Variants in TAPT1 observed in about 807,000 individuals in gnomAD.
The protein encoded by TAPT1 is transmembrane anterior posterior transformation 1.
TAPT1 carries 28 observed loss-of-function variants against 65.6 expected under a neutral mutation model. That is an observed-to-expected ratio of 0.43 (90% confidence interval 0.32 to 0.59). TAPT1 has a LOEUF of 0.59. TAPT1 is among the 20% of genes least tolerant of loss of function. The pLI is 0.09. For synonymous variants in TAPT1, 278 were observed against 245.2 expected (o/e 1.13, Z -1.25); for missense variants, 563 against 679.9 (o/e 0.83, Z 1.91).
intron 6 of TAPT1, 33 bp downstream of exon 6, chr4:16,186,748 A>G (rs747681046): frequency 6.6e-7 from 1 of 1,514,280 alleles, no homozygotes; most frequent in Admixed American, 1.7e-5. Context: ...TGCCTGTATA[A>G]CTTCAAAAAT....
chr4:16,202,530 G>T lies in TAPT1; in HGVS notation c.381C>A (p.Phe127Leu). The change falls in exon 3 of 14, where the codon TTC becomes TTA. Residue 127 changes from phenylalanine (F) to leucine (L), a missense_variant. This residue lies in a region of TAPT1 where 217 missense variants were observed against 317.5 expected (regional missense o/e 0.68). Coordinates refer to ENST00000405303, the MANE Select transcript of TAPT1 (RefSeq NM_153365.3). ...GGAAAACTCTTAAAGGAAGCAGGGT[G>T]AACACATACAAAAACGCATCCAGGC... ...FLCLDAFLYV[F>L]TLLPLRVFLA... 1 of 1,550,834 alleles carries T rather than the reference G, an allele frequency of 6.4e-7. No homozygotes were observed. The highest frequency in any genetic ancestry group is 1.2e-5 in the South Asian group (1 of 83,714).
chr4:16,227,058 A>C, upstream of TAPT1: 1 of 454,356 alleles, frequency 2.2e-6, no homozygotes, highest in Non-Finnish European at 4.4e-6. Context: ...CCTGCCCGCT[A>C]TTTTGGTTCC....
intron 2 of TAPT1, among the ~76,000 whole-genome samples, chr4:16,204,460 C>T (rs1750222512): frequency 6.6e-6 from 1 of 152,240 alleles, no homozygotes; most frequent in South Asian, 2.1e-4. Flanking sequence ...TCATTCTCAG[C>T]AGCGATTTAT....
At chr4:16,200,730 C>T (rs550853271) in intron 3 of TAPT1, among the ~76,000 whole-genome samples, 2 of 152,208 alleles carry the variant, frequency 1.3e-5, no homozygotes, top group Admixed American at 1.3e-4. Context: ...TGGTAATGTT[C>T]TATTAGATTG....
At chr4:16,172,280 G>C (rs1748044767) in intron 11 of TAPT1, among the ~76,000 whole-genome samples, 1 of 151,660 alleles carries the variant, frequency 6.6e-6, no homozygotes, top group Middle Eastern at 3.5e-3. Flanking sequence ...TTTCTGACAA[G>C]TTACTAGACA....
Position 16,166,748 on chromosome 4 carries a change from T to C in TAPT1, c.1359A>G (p.Lys453=), listed in dbSNP as rs771028940. 9 of 1,613,918 alleles carry C rather than the reference T, an allele frequency of 5.6e-6. No individual in the cohort carries two copies. Among genetic ancestry groups the C allele is most frequent in the Admixed American group, 1.7e-5 (1 of 60,010 alleles). The change falls in exon 13 of 14, where the codon AAA becomes AAG. Residue 453 remains lysine, a synonymous_variant. Coordinates refer to ENST00000405303, the MANE Select transcript of TAPT1 (RefSeq NM_153365.3). ...KVLNSIVLLG[K]SCQYVKEAKM... ...TGGCTTCCTTCACATACTGGCACGA[T>C]TTCCCCAACAGCACGATGCTATTAA...
intron 2 of TAPT1, among the ~76,000 whole-genome samples, chr4:16,212,488 G>A (rs558571751): frequency 3.9e-5 from 6 of 152,148 alleles, no homozygotes; most frequent in African/African-American, 9.6e-5. Flanking sequence ...AGAAACATCC[G>A]CCTACCCTAC....
intron 3 of TAPT1, chr4:16,196,770 C>T (rs770981092): frequency 2.2e-5 from 23 of 1,040,174 alleles, no homozygotes; most frequent in African/African-American, 1.2e-4. Flanking sequence ...AATGTTGCTA[C>T]GCTACTTAGA....
chr4:16,163,660 A>T (rs1396227331), intron 13 of TAPT1, 123 bp from the exon 14 acceptor site: 1 of 691,872 alleles, frequency 1.4e-6, no homozygotes, highest in Non-Finnish European at 2.4e-6. Flanking sequence ...GATAAAGCAA[A>T]TGATAACCAA....
intron 2 of TAPT1, among the ~76,000 whole-genome samples, chr4:16,212,262 C>G (rs1344229810): frequency 6.6e-6 from 1 of 152,122 alleles, no homozygotes; most frequent in Non-Finnish European, 1.5e-5. Context: ...AAACAAATTC[C>G]CCTGTAGAGG....
chr4:16,201,756 G>C (rs1326352062), intron 3 of TAPT1, among the ~76,000 whole-genome samples: 2 of 150,578 alleles, frequency 1.3e-5, no homozygotes, highest in Non-Finnish European at 1.5e-5. Context: ...GTACTATGCT[G>C]GGTATTTTTT....
chr4:16,176,270 G>T, intron 8 of TAPT1, 42 bp from the exon 9 acceptor site: 2 of 1,027,050 alleles, frequency 1.9e-6, no homozygotes, highest in Non-Finnish European at 2.8e-6. Flanking sequence ...ATCTTAATAT[G>T]AACAGAATCC....
intron 3 of TAPT1, among the ~76,000 whole-genome samples, chr4:16,197,164 A>T (rs1421604576): frequency 6.6e-6 from 1 of 152,228 alleles, no homozygotes; most frequent in Non-Finnish European, 1.5e-5. Context: ...ATAAACTCTC[A>T]AAAGAAAATG....
intron 4 of TAPT1, among the ~76,000 whole-genome samples, chr4:16,189,236 C>T (rs1269580167): frequency 6.6e-6 from 1 of 152,134 alleles, no homozygotes; most frequent in African/African-American, 2.4e-5. Flanking sequence ...CTAACAGAGG[C>T]CTTTTCCAGA....
At chr4:16,203,169 A>C (rs574225028) in intron 2 of TAPT1, among the ~76,000 whole-genome samples, 1 of 152,266 alleles carries the variant, frequency 6.6e-6, no homozygotes, top group African/African-American at 2.4e-5. Context: ...GTTTAGGACT[A>C]TATTTCACAG....
At position 16,161,105 on chromosome 4, in the gene TAPT1, C is replaced by T. The variant is rs576049458; in HGVS notation, c.*2203G>A. 6.6e-6 allele frequency: 1 copy of T among 152,668 alleles called. No individual in the cohort carries two copies. The highest frequency in any genetic ancestry group is 2.1e-4 in the South Asian group (1 of 4,824). The allele number at this position is 152,668 out of a possible 1,614,324, so 9.5% of individuals were successfully genotyped here. A position where few individuals can be genotyped will look rare whatever the true frequency, so the allele number is the denominator to read the frequency against. On this transcript the variant is annotated 3_prime_UTR_variant, in exon 14 of 14. Transcript: ENST00000405303. ...CATTTGCTGAGAAATATTAAATGGT[C>T]TATAATCAAGGCCGAGCCTATTTTT... is the stretch of plus-strand genomic sequence containing the variant.
At chr4:16,211,736 T>C (rs1348633496) in intron 2 of TAPT1, among the ~76,000 whole-genome samples, 1 of 152,184 alleles carries the variant, frequency 6.6e-6, no homozygotes, top group East Asian at 1.9e-4. Flanking sequence ...ACAATACTTA[T>C]TCTTAGTATA....
chr4:16,212,392 T>C (rs1750693381), intron 2 of TAPT1, among the ~76,000 whole-genome samples: 5 of 152,252 alleles, frequency 3.3e-5, no homozygotes, highest in Admixed American at 3.3e-4. Flanking sequence ...ATCTCATGGC[T>C]TATTGCTGGA....
chr4:16,213,141 T>C (rs1057478103), intron 2 of TAPT1, among the ~76,000 whole-genome samples: 1 of 152,268 alleles, frequency 6.6e-6, no homozygotes, highest in African/African-American at 2.4e-5. Context: ...ATTTTGGAAT[T>C]GCTTAGACTC....
Sources: allele counts gnomAD v4.1 joint callset (sites outside exome capture counted in the v4.1 genomes callset), GRCh38; gene constraint gnomAD v4.1.1; regional missense constraint gnomAD v4.1.1; transcripts MANE v1.5; gene names NCBI Gene and HGNC (gene_info 2026-07-23, HGNC 2026-07-21).